The following NOSTRIN variants were observed in gnomAD, a reference collection of about 807,000 sequenced individuals.
NOSTRIN encodes nitric oxide synthase trafficking.
In NOSTRIN, 63 loss-of-function variants were observed where a neutral mutation model predicts 59.0. The observed-to-expected ratio is 1.07, with a 90% CI of 0.87 to 1.32. NOSTRIN has a LOEUF of 1.32. Among genes scored for constraint, NOSTRIN ranks in the 40% most tolerant of loss-of-function variants. NOSTRIN has a pLI of 0.00. For synonymous variants in NOSTRIN, 200 were observed against 165.4 expected, an observed-to-expected ratio of 1.21 and a Z score of -1.61; for missense variants, 512 against 473.1, an observed-to-expected ratio of 1.08 and a Z score of -0.76.
chr2:168,845,527 A>G (rs474751), intron 8 of NOSTRIN, among the ~76,000 whole-genome samples: 92,544 of 152,080 alleles, frequency 0.61, 28,537 homozygotes, highest in South Asian at 0.73. Context: ...GGCTATGATT[A>G]TCTTCATTAT....
intron 1 of NOSTRIN, among the ~76,000 whole-genome samples, chr2:168,810,216 C>G (rs966322091): frequency 9.2e-5 from 14 of 152,160 alleles, no homozygotes; most frequent in African/African-American, 2.2e-4. Context: ...AAGCTTTGCA[C>G]CCTCACCACT....
intron 13 of NOSTRIN, among the ~76,000 whole-genome samples, chr2:168,860,488 C>A (rs142499836): frequency 6.6e-6 from 1 of 151,980 alleles, no homozygotes; most frequent in Non-Finnish European, 1.5e-5. Flanking sequence ...CTGGCTGACA[C>A]GGTGAAACCC....
chr2:168,860,876 G>T lies in NOSTRIN; in HGVS notation c.1261G>T (p.Gly421Cys). ...LENIVSKASS[G>C]GQSNPGSSTP... ...GAATATTGTGAGCAAGGCATCTTCT[G>T]GTGGGCAGAGCAATCCAGGTTCTTC... The change falls in exon 14 of 16, where the codon GGT becomes TGT. Residue 421 changes from glycine to cysteine, a missense_variant. Gly to Cys is a radical substitution (Grantham distance 159). Coordinates refer to ENST00000317647, the MANE Select transcript of NOSTRIN (RefSeq NM_001039724.4). The T allele has an allele frequency of 6.2e-7, 1 of 1,613,906 alleles. No homozygotes were observed.
chr2:168,794,311 A>G (rs989752536), upstream of NOSTRIN, among the ~76,000 whole-genome samples: 1 of 151,774 alleles, frequency 6.6e-6, no homozygotes, highest in Non-Finnish European at 1.5e-5. Flanking sequence ...AGAGGAGCTG[A>G]CTTACAGATT....
intron 1 of NOSTRIN, among the ~76,000 whole-genome samples, chr2:168,803,993 A>C (rs940327778): frequency 2.6e-5 from 4 of 152,216 alleles, no homozygotes; most frequent in African/African-American, 9.6e-5. Flanking sequence ...TGGCAGCAAA[A>C]TCTTGGCACT....
At chr2:168,854,429 T>C (rs1688955955) in intron 10 of NOSTRIN, among the ~76,000 whole-genome samples, 1 of 152,186 alleles carries the variant, frequency 6.6e-6, no homozygotes, top group Non-Finnish European at 1.5e-5. Context: ...CTGCCACTCA[T>C]GTTTAGCAAC....
At chr2:168,796,222 C>T (rs988131943), upstream of NOSTRIN, among the ~76,000 whole-genome samples, 73 of 152,368 alleles carry the variant, frequency 4.8e-4, no homozygotes, top group African/African-American at 1.7e-3. Context: ...CTCAAACAGG[C>T]CAAGGACTAG....
At chr2:168,855,268 C>G in intron 10 of NOSTRIN, 84 bp from the exon 11 acceptor site, 1 of 595,798 alleles carries the variant, frequency 1.7e-6, no homozygotes, top group Non-Finnish European at 2.8e-6. Context: ...AAATTAAATG[C>G]AGCCAGTGGA....
chr2:168,836,299 A>G (rs1354107154), intron 7 of NOSTRIN, among the ~76,000 whole-genome samples: 1 of 152,216 alleles, frequency 6.6e-6, no homozygotes, highest in East Asian at 1.9e-4. Flanking sequence ...ATAATAAAGA[A>G]AAAAGCATGG....
chr2:168,801,680 C>T (rs1335095720), upstream of NOSTRIN, among the ~76,000 whole-genome samples: 1 of 152,192 alleles, frequency 6.6e-6, no homozygotes, highest in East Asian at 1.9e-4. Flanking sequence ...CCCTTGCCTG[C>T]CAGTCAAACA....
At chr2:168,820,896 C>CA (rs1686699326) in intron 2 of NOSTRIN, among the ~76,000 whole-genome samples, 1 of 152,126 alleles carries the variant, frequency 6.6e-6, no homozygotes, top group Non-Finnish European at 1.5e-5. Flanking sequence ...GTACAGTCTG[C>CA]AAGAACATTC....
chr2:168,804,380 T>G (rs1685740693), intron 1 of NOSTRIN, among the ~76,000 whole-genome samples: 1 of 152,146 alleles, frequency 6.6e-6, no homozygotes, highest in Admixed American at 6.5e-5. Context: ...AGGGCGGATA[T>G]CCCTTCAGCC....
chr2:168,846,877 A>G (rs938343867), intron 8 of NOSTRIN, among the ~76,000 whole-genome samples: 1 of 152,212 alleles, frequency 6.6e-6, no homozygotes, highest in African/African-American at 2.4e-5. Context: ...GATGAGACGA[A>G]TGACAACTCA....
intron 8 of NOSTRIN, among the ~76,000 whole-genome samples, chr2:168,844,597 C>A (rs980669272): frequency 6.6e-6 from 1 of 152,080 alleles, no homozygotes; most frequent in African/African-American, 2.4e-5. Flanking sequence ...TAAGATTCAG[C>A]CTGGGCGGCA....
intron 2 of NOSTRIN, among the ~76,000 whole-genome samples, chr2:168,789,610 T>C (rs1169983170): frequency 6.6e-6 from 1 of 152,122 alleles, no homozygotes; most frequent in African/African-American, 2.4e-5. Flanking sequence ...GGAGTGTGCC[T>C]CCTATTGATT....
At chr2:168,863,730 C>G (rs1018524492) in intron 15 of NOSTRIN, 2 of 847,984 alleles carry the variant, frequency 2.4e-6, no homozygotes, top group African/African-American at 1.9e-5. Context: ...TTGTCTTGAT[C>G]TTAAGAAAAG....
intron 7 of NOSTRIN, among the ~76,000 whole-genome samples, chr2:168,840,120 G>A (rs1307949359): frequency 6.6e-6 from 1 of 151,904 alleles, no homozygotes; most frequent in Non-Finnish European, 1.5e-5. Context: ...CGAGGACAAT[G>A]ATTTAGCAGA....
intron 7 of NOSTRIN, among the ~76,000 whole-genome samples, chr2:168,840,529 C>CAAAAAAAAAAAAAAAAAAAAAAAAAAAAA (rs59235003): frequency 1.0e-5 from 1 of 99,324 alleles, no homozygotes; most frequent in Non-Finnish European, 2.0e-5. Flanking sequence ...GACTCCATCT[C>CAAAAAAAAAAAAAAAAAAAAAAAAAAAAA]AAAAAAAAAA....
upstream of NOSTRIN, among the ~76,000 whole-genome samples, chr2:168,793,565 C>T (rs956200068): frequency 7.9e-5 from 12 of 152,120 alleles, no homozygotes; most frequent in South Asian, 2.1e-4. Flanking sequence ...GAGCCAAGAT[C>T]GTGTCACTGC....
Sources: gnomAD v4.1 joint callset for allele counts (sites outside exome capture counted in the v4.1 genomes callset) on GRCh38, gnomAD v4.1.1 for gene constraint, MANE v1.5 for transcripts, NCBI Gene and HGNC (gene_info 2026-07-23, HGNC 2026-07-21) for gene names.